The following RIC1 variants were observed in gnomAD, a reference collection of about 807,000 sequenced individuals.
The protein encoded by RIC1 is guanine nucleotide exchange factor subunit RIC1.
RIC1 carries 88 observed loss-of-function variants against 169.0 expected under a neutral mutation model. The observed-to-expected ratio is 0.52, with a 90% CI of 0.44 to 0.62. The LOEUF is 0.62. Ranked by LOEUF, RIC1 falls within the 20% of genes least tolerant of loss-of-function variation. The probability of loss-of-function intolerance (pLI) is 0.00; values close to 1 mark genes in which losing one functional copy is unlikely to be tolerated. For synonymous variants in RIC1, 790 were observed against 601.5 expected, an observed-to-expected ratio of 1.31 and a Z score of -4.59; for missense variants, 1,877 against 1,725.5, an observed-to-expected ratio of 1.09 and a Z score of -1.56.
In RIC1 at chr9:5,756,320, T is replaced by A; in HGVS notation, c.1801T>A (p.Phe601Ile). 6.3e-7 allele frequency: 1 copy of A among 1,587,844 alleles called. No individual in the cohort carries two copies. Among genetic ancestry groups the A allele is most frequent in the Non-Finnish European group, 8.6e-7 (1 of 1,164,182 alleles). The change falls in exon 16 of 26, where the codon TTT becomes ATT. Residue 601 changes from phenylalanine (F) to isoleucine (I), a missense_variant. Around this residue, in one of 3 missense-constraint regions of RIC1, gnomAD observed 1,104 missense variants for 992.0 expected, o/e 1.11. Coordinates refer to ENST00000414202, the MANE Select transcript of RIC1 (RefSeq NM_020829.4). The part of the protein sequence containing the change: ...LSVFQDMVIV[F>I]RADCSICLYS... ...TGTCTTCCAGGACATGGTAATAGTA[T>A]TTAGAGCAGACTGTTCAATATGCCT...
intron 7 of RIC1, among the ~76,000 whole-genome samples, chr9:5,734,727 C>G (rs1824592015): frequency 6.6e-6 from 1 of 151,500 alleles, no homozygotes. Context: ...CCCTCCTTGA[C>G]TCACTTAGTA....
At chr9:5,684,123 C>G (rs1482871318) in intron 2 of RIC1, among the ~76,000 whole-genome samples, 1 of 152,116 alleles carries the variant, frequency 6.6e-6, no homozygotes, top group Non-Finnish European at 1.5e-5. Flanking sequence ...CCTGCTTCAG[C>G]TCACGCACAG....
intron 2 of RIC1, among the ~76,000 whole-genome samples, chr9:5,670,105 C>G (rs373107027): frequency 6.6e-6 from 1 of 152,182 alleles, no homozygotes; most frequent in East Asian, 1.9e-4. Flanking sequence ...CTCACAAATA[C>G]AGGAAATTTT....
Position 5,690,312 on chromosome 9 carries a change from T to G in RIC1, c.332+274T>G, listed in dbSNP as rs577935753. Among the ~76,000 whole-genome samples the G allele has an allele frequency of 7.3e-4, 111 of 152,222 alleles. 1 individual carries two copies. Among genetic ancestry groups the G allele is most frequent in the African/African-American group, 2.5e-3 (106 of 41,578 alleles). ...TTCCAGGTCTAGCATTTCTCATTCC[T>G]TATTAGGGAAGAGCTAAGAGATCAT... On this transcript the variant is annotated intron_variant, in intron 3 of 25. Transcript: ENST00000414202.
chr9:5,745,618 A>C (rs1825330960), intron 10 of RIC1, among the ~76,000 whole-genome samples: 1 of 152,168 alleles, frequency 6.6e-6, no homozygotes, highest in African/African-American at 2.4e-5. Context: ...AGAGGCAGCT[A>C]AATTAAAGCA....
chr9:5,732,613 A>G, intron 7 of RIC1, 134 bp downstream of exon 7: 1 of 509,722 alleles, frequency 2.0e-6, no homozygotes, highest in Non-Finnish European at 3.4e-6. Context: ...GTCAACCTTA[A>G]TATGAAATGT....
rs566533148 is a variant in RIC1 at position 5,769,063 on chromosome 9, G to A, written c.3231G>A (p.Lys1077=). The A allele has an allele frequency of 6.2e-7, 1 of 1,614,108 alleles. No homozygotes were observed. Among genetic ancestry groups the A allele is most frequent in the African/African-American group, 1.3e-5 (1 of 75,038 alleles). The change falls in exon 22 of 26, where the codon AAG becomes AAA. Residue 1077 remains lysine, a synonymous_variant. Transcript: ENST00000414202. ...ARRLLEDVRL[K]DLGCFAAQLG... ...GCCTCTTAGAAGATGTGAGGTTAAA[G>A]GACCTTGGCTGCTTTGCAGCCCAGC...
At chr9:5,700,676 G>A (rs16923398) in intron 3 of RIC1, among the ~76,000 whole-genome samples, 12,414 of 151,820 alleles carry the variant, frequency 0.082, 712 homozygotes, top group East Asian at 0.25. Flanking sequence ...TCATGAGCAG[G>A]TATTTTTGCC....
intron 2 of RIC1, among the ~76,000 whole-genome samples, chr9:5,659,649 CA>C (rs1447967064): frequency 3.3e-5 from 5 of 152,166 alleles, no homozygotes; most frequent in African/African-American, 1.2e-4. Flanking sequence ...TATGAACATG[CA>C]ATGTCTTATC....
rs1429852932 is a variant in RIC1, at chr9:5,774,403, C to T, written c.*157C>T. The stretch of plus-strand genomic sequence containing the variant: ...ACTAATTCTTTCTTGTCTAAGAAAT[C>T]TTTTTGACTCCATAAAAATGTGATA... On this transcript the variant is annotated 3_prime_UTR_variant, in exon 26 of 26. Transcript: ENST00000414202. 3 of 577,108 alleles carry T rather than the reference C, an allele frequency of 5.2e-6. No homozygotes were observed. The South Asian group carries it at 1.6e-4, about 31-fold the overall frequency. The allele number at this position is 577,108 out of a possible 1,614,324, so 35.7% of individuals were successfully genotyped here. A position where few individuals can be genotyped will look rare whatever the true frequency, so the allele number is the denominator to read the frequency against.
chr9:5,684,448 T>C (rs1432765057), intron 2 of RIC1, among the ~76,000 whole-genome samples: 1 of 152,156 alleles, frequency 6.6e-6, no homozygotes, highest in East Asian at 1.9e-4. Context: ...TTCAGCACTG[T>C]TTTCTAGTTA....
intron 3 of RIC1, among the ~76,000 whole-genome samples, chr9:5,697,007 C>A (rs1821942357): frequency 6.6e-6 from 1 of 152,196 alleles, no homozygotes; most frequent in Non-Finnish European, 1.5e-5. Flanking sequence ...CTAGTCAGAA[C>A]CGAAATGTCT....
At chr9:5,695,870 C>G (rs943671499) in intron 3 of RIC1, among the ~76,000 whole-genome samples, 4 of 152,112 alleles carry the variant, frequency 2.6e-5, no homozygotes, top group Admixed American at 2.6e-4. Context: ...TGCACCCGGC[C>G]TATTATGTCT....
chr9:5,729,218 G>C (rs1179431255), intron 6 of RIC1, among the ~76,000 whole-genome samples: 1 of 152,186 alleles, frequency 6.6e-6, no homozygotes, highest in East Asian at 1.9e-4. Flanking sequence ...CTCTGGTGGA[G>C]GTGGTAGGGG....
rs773540951 is a variant in RIC1, at chr9:5,763,120, TC to T, written c.2113-19del. 1 of 1,605,852 alleles carries T rather than the reference TC, an allele frequency of 6.2e-7. No individual in the cohort carries two copies. The highest frequency in any genetic ancestry group is 1.7e-5 in the Admixed American group (1 of 59,462). ...AGATTTAATAGGAAAACAACTTGATTCTTGTCTCTCCTTCTCCAGCTGCCAT... is the reference window on the plus strand; with the variant it reads ...AGATTTAATAGGAAAACAACTTGATTTTGTCTCTCCTTCTCCAGCTGCCAT... On this transcript the variant is annotated intron_variant, in intron 18 of 25. Coordinates refer to ENST00000414202, the MANE Select transcript of RIC1 (RefSeq NM_020829.4). This position sits in a 1 kb window ranked among gnomAD's most constrained non-coding sequence, Gnocchi z 5.2.
At chr9:5,692,637 AG>A (rs1252280292) in intron 3 of RIC1, among the ~76,000 whole-genome samples, 1 of 151,958 alleles carries the variant, frequency 6.6e-6, no homozygotes, top group East Asian at 1.9e-4. Flanking sequence ...TAGTCTAGTG[AG>A]TTTCTTGGTT....
chr9:5,732,473 G>T lies in RIC1; in HGVS notation c.806G>T (p.Cys269Phe), dbSNP rs777603638. The T allele has an allele frequency of 6.2e-7, 1 of 1,605,348 alleles. No individual in the cohort carries two copies. Among genetic ancestry groups the T allele is most frequent in the South Asian group, 1.1e-5 (1 of 89,380 alleles). Residue 269 changes from cysteine to phenylalanine, a missense_variant, in exon 7 of 26, where the codon TGT becomes TTT. Transcript: ENST00000414202. The part of the protein sequence containing the change: ...NNKYRLMAFG[C>F]VSGSVQVYTI... The stretch of plus-strand genomic sequence containing the variant: ...AAGTATCGACTAATGGCATTTGGCT[G>T]TGTGAGGTATAATTGATGTAGGCTT...
chr9:5,738,854 CA>C (rs1824897719), intron 8 of RIC1, among the ~76,000 whole-genome samples: 1 of 152,144 alleles, frequency 6.6e-6, no homozygotes, highest in Admixed American at 6.5e-5. Context: ...AAGTTCTACA[CA>C]AGTCAGACTA....
At chr9:5,745,896 C>T (rs1302845944) in intron 10 of RIC1, 35 bp from the exon 11 acceptor site, 2 of 1,581,744 alleles carry the variant, frequency 1.3e-6, no homozygotes, top group East Asian at 4.5e-5. Context: ...CCTTTTATTG[C>T]TCTGACTTTT....
Sources: allele counts gnomAD v4.1 joint callset (sites outside exome capture counted in the v4.1 genomes callset), GRCh38; gene constraint gnomAD v4.1.1; regional missense constraint gnomAD v4.1.1; non-coding constraint Gnocchi (gnomAD v3.1); transcripts MANE v1.5; gene names NCBI Gene and HGNC (gene_info 2026-07-23, HGNC 2026-07-21).